GRIP2: variants seen among roughly 807,000 people sequenced by gnomAD.
GRIP2 encodes the protein glutamate receptor interacting protein 2.
In GRIP2, 58 loss-of-function variants were observed where a neutral mutation model predicts 108.3. The ratio of observed to expected loss-of-function variants is 0.54; its 90% CI spans 0.43 to 0.67. The LOEUF (loss-of-function observed/expected upper bound fraction) is 0.67. Among genes scored for constraint, GRIP2 ranks in the 30% least tolerant of loss-of-function variants. The pLI is 0.00. For synonymous variants in GRIP2, 586 were observed against 598.2 expected (o/e 0.98, Z 0.30); for missense variants, 1,278 against 1,430.6 (o/e 0.89, Z 1.72).
chr3:14,574,828 T>C, the GRIP2 span: 2 of 335,196 alleles, frequency 6.0e-6, no homozygotes, highest in East Asian at 7.6e-5. Flanking sequence ...TGAAAAAGAA[T>C]GTGCAACATA....
At chr3:14,527,757 G>A (rs926281683) in intron 1 of GRIP2, among the ~76,000 whole-genome samples, 1 of 152,034 alleles carries the variant, frequency 6.6e-6, no homozygotes, top group Non-Finnish European at 1.5e-5. Flanking sequence ...TTAGGGGGGT[G>A]TGGTGGCAGG....
chr3:14,523,401 G>A (rs1282478379), intron 5 of GRIP2: 8 of 577,496 alleles, frequency 1.4e-5, no homozygotes, highest in Non-Finnish European at 2.5e-5. Context: ...ATCATTTTCC[G>A]GTACAACTTT....
intron 12 of GRIP2, 51 bp downstream of exon 12, chr3:14,514,239 TCA>T: frequency 7.1e-7 from 1 of 1,405,964 alleles, no homozygotes; most frequent in Non-Finnish European, 9.5e-7. Flanking sequence ...GTGCTGTGAC[TCA>T]GTTTCTCTCA....
At chr3:14,496,207 GA>G (rs144647727) in intron 22 of GRIP2, among the ~76,000 whole-genome samples, 4,795 of 152,276 alleles carry the variant, frequency 0.031, 134 homozygotes, top group South Asian at 0.12. Context: ...TCTACTTAAA[GA>G]AAAATAATAG....
At chr3:14,500,407 G>A (rs969963057) in intron 21 of GRIP2, among the ~76,000 whole-genome samples, 1 of 152,172 alleles carries the variant, frequency 6.6e-6, no homozygotes, top group Non-Finnish European at 1.5e-5. Flanking sequence ...TGAGTCTGTA[G>A]TAAGACAAAT....
intron 10 of GRIP2, 127 bp from the exon 11 acceptor site, chr3:14,517,340 C>T (rs974174573): frequency 5.2e-6 from 5 of 966,352 alleles, no homozygotes; most frequent in Admixed American, 3.4e-5. Context: ...ACATCAGTTA[C>T]TCATTGTGTG....
At chr3:14,493,860 G>A (rs1406693754) in intron 23 of GRIP2, 34 bp from the exon 24 acceptor site, 2 of 1,592,460 alleles carry the variant, frequency 1.3e-6, no homozygotes, top group Middle Eastern at 1.7e-4. Flanking sequence ...ACAGAACCGA[G>A]ATGTCAGCCC....
At chr3:14,579,865 CA>C in the GRIP2 span, among the ~76,000 whole-genome samples, 2 of 152,224 alleles carry the variant, frequency 1.3e-5, no homozygotes, top group African/African-American at 4.8e-5. Context: ...AGCACTGCAG[CA>C]GCAGAAGCAG....
chr3:14,503,342 G>A lies in GRIP2; in HGVS notation c.2679+224C>T, dbSNP rs184757146. ...GTCACACATATTCCATGTCCACACAGATAATGTGTAGTACCACAGTGCTCT... is the reference window on the plus strand; with the variant it reads ...GTCACACATATTCCATGTCCACACAAATAATGTGTAGTACCACAGTGCTCT... On this transcript the variant is annotated intron_variant, in intron 21 of 23. Coordinates refer to ENST00000621039, the MANE Select transcript of GRIP2 (RefSeq NM_001080423.4). Among the ~76,000 whole-genome samples the A allele has an allele frequency of 4.6e-5, 7 of 152,360 alleles. No individual in the cohort carries two copies. In the East Asian group the frequency reaches 1.3e-3, roughly 29 times the overall value.
rs1247198108 is a variant in GRIP2, at chr3:14,520,195, C to T, written c.945G>A (p.Lys315=). The change falls in exon 9 of 24, where the codon AAG becomes AAA. Residue 315 remains lysine (K), a synonymous_variant. Coordinates refer to ENST00000621039, the MANE Select transcript of GRIP2 (RefSeq NM_001080423.4). ...MEHCSLLEAT[K]LLASISEKVR... The stretch of plus-strand genomic sequence containing the variant: ...CCTTCTCTGAAATGCTGGCCAGGAG[C>T]TTGGTGGCCTCAAGCAGCGAGCAGT... The T allele has an allele frequency of 3.1e-6, 5 of 1,613,308 alleles. No individual in the cohort carries two copies. The highest frequency in any genetic ancestry group is 2.7e-5 in the African/African-American group (2 of 74,914).
At chr3:14,523,400 C>T (rs1240409984) in intron 5 of GRIP2, 11 of 581,230 alleles carry the variant, frequency 1.9e-5, no homozygotes, top group East Asian at 1.1e-4. Context: ...CATCATTTTC[C>T]GGTACAACTT....
At chr3:14,544,236 C>T (rs6775132), upstream of GRIP2, among the ~76,000 whole-genome samples, 3,825 of 152,246 alleles carry the variant, frequency 0.025, 131 homozygotes, top group African/African-American at 0.086. Context: ...CTCTTCCCAA[C>T]GCAGGGCCAG....
the GRIP2 span, among the ~76,000 whole-genome samples, chr3:14,580,965 G>A: frequency 1.3e-5 from 2 of 151,904 alleles, no homozygotes; most frequent in Admixed American, 6.6e-5. Context: ...TAGAGACCCT[G>A]CTTGAGCCTG....
chr3:14,532,743 C>G (rs1045716691), intron 1 of GRIP2, among the ~76,000 whole-genome samples: 1 of 151,636 alleles, frequency 6.6e-6, no homozygotes, highest in African/African-American at 2.4e-5. Context: ...AAGGGCTGGG[C>G]GCAGACTGAG....
At position 14,506,920 on chromosome 3, in the gene GRIP2, G is replaced by A. The variant is rs1693946219; in HGVS notation, c.2279C>T (p.Pro760Leu). 1 of 1,607,132 alleles carries A rather than the reference G, an allele frequency of 6.2e-7. No homozygotes were observed. Among genetic ancestry groups the A allele is most frequent in the African/African-American group, 1.3e-5 (1 of 74,818 alleles). Residue 760 changes from proline (P) to leucine (L), a missense_variant, in exon 19 of 24, where the codon CCA (proline) becomes CTA (leucine). Transcript: ENST00000621039. ...LSETSDADEDPADALKGGLPA... is the reference protein window; with the variant it reads ...LSETSDADEDLADALKGGLPA... ...CAGGCCTCCTTTCAGGGCATCTGCT[G>A]GGTCCTCATCAGCATCACTGGTCTC...
At chr3:14,579,147 A>G in the GRIP2 span, among the ~76,000 whole-genome samples, 2 of 152,162 alleles carry the variant, frequency 1.3e-5, no homozygotes. Flanking sequence ...ACGTGCAACT[A>G]CATGGGTGGG....
upstream of GRIP2, among the ~76,000 whole-genome samples, chr3:14,557,144 C>T (rs1291607974): frequency 3.9e-5 from 6 of 152,362 alleles, no homozygotes; most frequent in Admixed American, 2.6e-4. Context: ...CCCATCACTT[C>T]GCAGCAATCC....
chr3:14,587,000 G>A, the GRIP2 span, among the ~76,000 whole-genome samples: 4 of 152,188 alleles, frequency 2.6e-5, no homozygotes, highest in African/African-American at 9.7e-5. Context: ...ACACCAGAGT[G>A]GCCCTGGGGA....
chr3:14,599,551 T>C, the GRIP2 span, among the ~76,000 whole-genome samples: 1 of 151,306 alleles, frequency 6.6e-6, no homozygotes, highest in African/African-American at 2.4e-5. Context: ...TTTCTGATTG[T>C]GCACAGAGGC....
Sources: allele counts gnomAD v4.1 joint callset (sites outside exome capture counted in the v4.1 genomes callset), GRCh38; gene constraint gnomAD v4.1.1; transcripts MANE v1.5; gene names NCBI Gene and HGNC (gene_info 2026-07-23, HGNC 2026-07-21).